The following SPAG5 variants were observed in gnomAD, a reference collection of about 807,000 sequenced individuals.
SPAG5 encodes sperm associated antigen 5, also known as sperm-associated antigen 5.
In SPAG5, 99 loss-of-function variants were observed where a neutral mutation model predicts 145.4. That is an observed-to-expected ratio of 0.68 (90% confidence interval 0.58 to 0.80). The LOEUF is 0.80. Among genes scored for constraint, SPAG5 ranks in the 30% least tolerant of loss-of-function variants. The probability of loss-of-function intolerance (pLI) is 0.00; values close to 1 mark genes in which losing one functional copy is unlikely to be tolerated. For synonymous variants in SPAG5, 477 were observed against 525.4 expected, an observed-to-expected ratio of 0.91 and a Z score of 1.26; for missense variants, 1,192 against 1,416.0, an observed-to-expected ratio of 0.84 and a Z score of 2.54.
intron 19 of SPAG5, 26 bp downstream of exon 19, chr17:28,579,115 G>A (rs779957719): frequency 7.6e-6 from 12 of 1,576,488 alleles, no homozygotes; most frequent in Middle Eastern, 2.2e-4. Context: ...GTTCTTCATC[G>A]CCCCACTTCT....
In SPAG5 at chr17:28,578,685, C is replaced by T; in HGVS notation, c.3185G>A (p.Ser1062Asn). ...TGGTGAACATACTATGAGCTCGCCA[C>T]TCTTGTCTATCTGTTCTAGGATCTT... Reference protein sequence around the residue: ...NEKILEQIDKSGELISLREEV... With the variant: ...NEKILEQIDKNGELISLREEV... Residue 1062 changes from serine to asparagine, a missense_variant, in exon 20 of 24, where the codon AGT (serine) becomes AAT (asparagine). Physicochemically the swap from Ser to Asn is conservative, Grantham distance 46 (BLOSUM62 1). Transcript: ENST00000321765. 1.9e-6 allele frequency: 3 copies of T among 1,614,082 alleles called. No individual in the cohort carries two copies. The highest frequency in any genetic ancestry group is 1.1e-5 in the South Asian group (1 of 91,080).
chr17:28,583,736 G>A, intron 14 of SPAG5, 87 bp from the exon 15 acceptor site: 1 of 1,541,904 alleles, frequency 6.5e-7, no homozygotes, highest in Non-Finnish European at 8.7e-7. Flanking sequence ...TGCATTAAAG[G>A]AGAGAAACAA....
intron 15 of SPAG5, among the ~76,000 whole-genome samples, chr17:28,582,237 T>C (rs1322679977): frequency 1.3e-5 from 2 of 152,236 alleles, no homozygotes; most frequent in Non-Finnish European, 2.9e-5. Context: ...GCATTCCATA[T>C]GAGCAGCATC....
At chr17:28,596,838 G>A (rs1346479332) in intron 2 of SPAG5, among the ~76,000 whole-genome samples, 2 of 152,188 alleles carry the variant, frequency 1.3e-5, no homozygotes, top group Non-Finnish European at 2.9e-5. Context: ...GGGCACAGTG[G>A]CTCACGCCTA....
chr17:28,583,730 T>C, intron 14 of SPAG5, 81 bp from the exon 15 acceptor site: 2 of 1,545,700 alleles, frequency 1.3e-6, no homozygotes, highest in South Asian at 1.2e-5. Context: ...CAGAGCTGCA[T>C]TAAAGGAGAG....
At chr17:28,590,073 T>C (rs1053240846) in intron 4 of SPAG5, among the ~76,000 whole-genome samples, 2 of 152,234 alleles carry the variant, frequency 1.3e-5, no homozygotes, top group African/African-American at 4.8e-5. Flanking sequence ...AGTTGTATAT[T>C]AGTCACTGTA....
intron 4 of SPAG5, among the ~76,000 whole-genome samples, chr17:28,589,351 G>A (rs913842547): frequency 1.3e-5 from 2 of 151,738 alleles, no homozygotes; most frequent in Admixed American, 6.6e-5. Flanking sequence ...CTCCCGCCTC[G>A]GCCTCCCAAA....
intron 1 of SPAG5, 124 bp downstream of exon 1, chr17:28,598,772 C>A: frequency 6.7e-7 from 1 of 1,503,606 alleles, no homozygotes; most frequent in Non-Finnish European, 9.2e-7. Context: ...AGCAGCAAGG[C>A]GAACAAAGAC....
At chr17:28,579,716 A>G (rs749671829) in intron 17 of SPAG5, 35 bp downstream of exon 17, 1 of 1,596,016 alleles carries the variant, frequency 6.3e-7, no homozygotes, top group South Asian at 1.1e-5. Flanking sequence ...CAGATTTTCT[A>G]GAAATGAGGC....
Position 28,585,112 on chromosome 17 carries a change from T to G in SPAG5, c.2057A>C (p.Glu686Ala), listed in dbSNP as rs768452460. 6.2e-7 allele frequency: 1 copy of G among 1,614,134 alleles called. No homozygotes were observed. The highest frequency in any genetic ancestry group is 1.7e-5 in the Admixed American group (1 of 60,024). ...ALQERDVAIE[E>A]KQEVSRVLEQ... ...ACTCTTGGTTTGTACCTCCTGCTTT[T>G]CCTCAATTGCCACATCACGTTCCTG... Residue 686 changes from glutamate (E) to alanine (A), a missense_variant, in exon 10 of 24, where the codon GAA becomes GCA. By Grantham distance (107) the Glu-to-Ala change is moderately radical. Around this residue, in one of 5 missense-constraint regions of SPAG5, gnomAD observed 709 missense variants for 840.7 expected, o/e 0.84. Coordinates refer to ENST00000321765, the MANE Select transcript of SPAG5 (RefSeq NM_006461.4).
chr17:28,594,865 T>C (rs946388092), intron 2 of SPAG5, among the ~76,000 whole-genome samples: 5 of 150,264 alleles, frequency 3.3e-5, no homozygotes, highest in African/African-American at 1.2e-4. Context: ...GAGGCTGAGG[T>C]GGGAGGACTG....
intron 5 of SPAG5, 37 bp downstream of exon 5, chr17:28,586,388 G>A (rs767687308): frequency 7.9e-6 from 12 of 1,524,400 alleles, no homozygotes; most frequent in Non-Finnish European, 1.1e-5. Flanking sequence ...ATCTTCACAG[G>A]AGACCCAGTG....
intron 2 of SPAG5, among the ~76,000 whole-genome samples, chr17:28,594,839 A>G (rs1333472392): frequency 1.3e-5 from 2 of 152,160 alleles, no homozygotes; most frequent in African/African-American, 4.8e-5. Context: ...TCACACCTGT[A>G]GTCCCAGCTA....
chr17:28,586,230 A>C (rs762190331), intron 5 of SPAG5, 48 bp from the exon 6 acceptor site: 1 of 1,503,642 alleles, frequency 6.7e-7, no homozygotes, highest in Non-Finnish European at 9.3e-7. Flanking sequence ...GTCACTAAGC[A>C]GGAAACAGGG....
intron 21 of SPAG5, 22 bp from the exon 22 acceptor site, chr17:28,578,314 C>T: frequency 6.2e-7 from 1 of 1,614,150 alleles, no homozygotes; most frequent in Non-Finnish European, 8.5e-7. Flanking sequence ...TCCAGATCAA[C>T]AGGGGTACAG....
At chr17:28,582,721 A>G (rs1462505221) in intron 15 of SPAG5, 1 of 152,196 alleles carries the variant, frequency 6.6e-6, no homozygotes. Flanking sequence ...TGAATAAGCT[A>G]ATTACCTTTG....
At chr17:28,584,578 C>G in intron 11 of SPAG5, 74 bp downstream of exon 11, 1 of 1,599,696 alleles carries the variant, frequency 6.3e-7, no homozygotes, top group Non-Finnish European at 8.6e-7. Flanking sequence ...CTTCCTTGCT[C>G]TAGTGCCACA....
intron 4 of SPAG5, among the ~76,000 whole-genome samples, chr17:28,587,887 T>C (rs1293873696): frequency 6.6e-6 from 1 of 152,222 alleles, no homozygotes; most frequent in Non-Finnish European, 1.5e-5. Context: ...TTCTTAGGTA[T>C]TTATTCATCA....
In SPAG5 at chr17:28,585,211, G is replaced by A. The variant is rs1276328578; in HGVS notation, c.1958C>T (p.Thr653Ile). ...QDWRSMQLDY[T>I]TWTALLSRSR... is the part of the protein sequence containing the mutation. ...CCGACTCAGCAAAGCTGTCCATGTT[G>A]TATACTACCAGGGGAAGCAAGCAGG... Residue 653 changes from threonine (T) to isoleucine (I), a missense_variant, in exon 10 of 24, where the codon ACA becomes ATA. Transcript: ENST00000321765. 3 of 1,614,026 alleles carry A rather than the reference G, an allele frequency of 1.9e-6. No homozygotes were observed. In the African/African-American group the frequency reaches 4.0e-5, roughly 22 times the overall value.
Sources: gnomAD v4.1 joint callset for allele counts (sites outside exome capture counted in the v4.1 genomes callset) on GRCh38, gnomAD v4.1.1 for gene constraint, gnomAD v4.1.1 regional missense constraint, MANE v1.5 for transcripts, NCBI Gene and HGNC (gene_info 2026-07-23, HGNC 2026-07-21) for gene names.